The following SCAMP1 variants were observed in gnomAD, a reference collection of about 807,000 sequenced individuals.
SCAMP1 encodes the protein secretory carrier membrane protein 1.
SCAMP1 carries 15 observed loss-of-function variants against 41.8 expected under a neutral mutation model. The observed-to-expected ratio is 0.36, with a 90% CI of 0.24 to 0.55. The LOEUF (loss-of-function observed/expected upper bound fraction) is 0.55, where lower values mean the gene tolerates loss of function less well. Among genes scored for constraint, SCAMP1 ranks in the 20% least tolerant of loss-of-function variants. The pLI, the probability that SCAMP1 is intolerant of heterozygous loss-of-function variation, is 0.86. For synonymous variants in SCAMP1, 135 were observed against 136.8 expected (o/e 0.99, Z 0.09); for missense variants, 341 against 412.6 (o/e 0.83, Z 1.50).
chr5:78,373,655 A>C (rs118147404), intron 1 of SCAMP1, among the ~76,000 whole-genome samples: 2 of 152,114 alleles, frequency 1.3e-5, no homozygotes, highest in African/African-American at 4.8e-5. Flanking sequence ...TTTTTTGACT[A>C]TAGTTCAGTC....
chr5:78,372,971 A>T (rs1750977080), intron 1 of SCAMP1, among the ~76,000 whole-genome samples: 1 of 152,126 alleles, frequency 6.6e-6, no homozygotes, highest in Non-Finnish European at 1.5e-5. Context: ...AACTATTAAT[A>T]TAAGAAACAT....
At chr5:78,387,823 G>C (rs991193882) in intron 1 of SCAMP1, among the ~76,000 whole-genome samples, 1 of 152,156 alleles carries the variant, frequency 6.6e-6, no homozygotes, top group African/African-American at 2.4e-5. Flanking sequence ...CTTCAGGTCT[G>C]TCAGCCATGG....
Position 78,403,588 on chromosome 5 carries a change from CAAAA to C in SCAMP1, c.136-11931_136-11928del, listed in dbSNP as rs1346157015. On this transcript the variant is annotated intron_variant, in intron 2 of 8. Transcript: ENST00000621999. The stretch of plus-strand genomic sequence containing the variant: ...GGAGGATTGCCTGAGGCCAGGGATT[CAAAA>C]CCAGCCTAGGCAATGTAGTGAGATC... Among the ~76,000 whole-genome samples the C allele has an allele frequency of 1.4e-4, 21 of 152,186 alleles. No homozygotes were observed. In the East Asian group the frequency reaches 4.1e-3, roughly 30 times the overall value.
intron 1 of SCAMP1, among the ~76,000 whole-genome samples, chr5:78,372,624 A>G (rs762598025): frequency 1.4e-4 from 21 of 152,182 alleles, no homozygotes; most frequent in Non-Finnish European, 3.1e-4. Context: ...TATGAAACCT[A>G]CATCACAAGG....
intron 6 of SCAMP1, among the ~76,000 whole-genome samples, chr5:78,435,435 C>T (rs1184739593): frequency 3.3e-5 from 5 of 152,162 alleles, no homozygotes; most frequent in Admixed American, 3.3e-4. Flanking sequence ...TCCAAGGGTT[C>T]TCATTGTTCA....
At chr5:78,474,591 G>A (rs954745598) in intron 8 of SCAMP1, among the ~76,000 whole-genome samples, 1 of 152,020 alleles carries the variant, frequency 6.6e-6, no homozygotes, top group Non-Finnish European at 1.5e-5. Context: ...TCCAGGTTTG[G>A]AAAAAATACT....
At chr5:78,367,652 G>T (rs1750831794) in intron 1 of SCAMP1, among the ~76,000 whole-genome samples, 1 of 152,198 alleles carries the variant, frequency 6.6e-6, no homozygotes, top group South Asian at 2.1e-4. Context: ...GGAGTGGCAA[G>T]CAATAGGCTC....
rs185244431 is a variant in SCAMP1 at position 78,464,616 on chromosome 5, C to T, written c.852+5254C>T. 3.0e-3 allele frequency among the ~76,000 whole-genome samples: 451 copies of T among 152,052 alleles called. 5 individuals are homozygous for T. The highest frequency in any genetic ancestry group is 9.9e-3 in the African/African-American group (412 of 41,458). The stretch of plus-strand genomic sequence containing the variant: ...AAATTGGCACTCTGCAGATTTTTGA[C>T]GTGGATCTGGGATTGGGAACGGCAT... On this transcript the variant is annotated intron_variant, in intron 8 of 8. Transcript: ENST00000621999.
At chr5:78,459,714 A>G (rs775471632) in intron 8 of SCAMP1, among the ~76,000 whole-genome samples, 1 of 152,158 alleles carries the variant, frequency 6.6e-6, no homozygotes, top group Admixed American at 6.5e-5. Context: ...TAAAATTATT[A>G]TGTGATATGT....
At chr5:78,366,940 C>CA (rs1442552359) in intron 1 of SCAMP1, among the ~76,000 whole-genome samples, 1 of 148,700 alleles carries the variant, frequency 6.7e-6, no homozygotes, top group African/African-American at 2.5e-5. Context: ...AAAAAAAACC[C>CA]AAAAAACAAA....
At chr5:78,450,942 G>A (rs1193551986) in intron 7 of SCAMP1, among the ~76,000 whole-genome samples, 1 of 152,152 alleles carries the variant, frequency 6.6e-6, no homozygotes, top group Non-Finnish European at 1.5e-5. Flanking sequence ...TTTAAAATCA[G>A]TTCTCAGATA....
intron 1 of SCAMP1, among the ~76,000 whole-genome samples, chr5:78,387,462 G>C (rs913069446): frequency 6.6e-6 from 1 of 150,744 alleles, no homozygotes; most frequent in Admixed American, 6.6e-5. Flanking sequence ...TTTTCTGGAA[G>C]TTTAGAGGTT....
chr5:78,471,638 C>T (rs1276194732), intron 8 of SCAMP1, among the ~76,000 whole-genome samples: 1 of 151,992 alleles, frequency 6.6e-6, no homozygotes, highest in African/African-American at 2.4e-5. Context: ...CTTTACTTCC[C>T]ACACGATACA....
chr5:78,365,263 A>G (rs916810606), intron 1 of SCAMP1, among the ~76,000 whole-genome samples: 2 of 151,920 alleles, frequency 1.3e-5, no homozygotes, highest in Non-Finnish European at 2.9e-5. Context: ...TCACGAGGTC[A>G]GGAGTTCGAG....
chr5:78,407,427 A>C (rs1751959856), intron 2 of SCAMP1, among the ~76,000 whole-genome samples: 1 of 152,156 alleles, frequency 6.6e-6, no homozygotes, highest in Admixed American at 6.5e-5. Flanking sequence ...TCTTAGGTGA[A>C]AGGATACACA....
intron 8 of SCAMP1, among the ~76,000 whole-genome samples, chr5:78,462,870 C>G (rs1375059380): frequency 6.6e-6 from 1 of 151,980 alleles, no homozygotes; most frequent in African/African-American, 2.4e-5. Context: ...GATATTGAGA[C>G]CTTGGGAATA....
chr5:78,451,043 CTTACT>C (rs1753212538), intron 7 of SCAMP1, among the ~76,000 whole-genome samples: 1 of 152,074 alleles, frequency 6.6e-6, no homozygotes, highest in Non-Finnish European at 1.5e-5. Flanking sequence ...AAATATACTG[CTTACT>C]TTAACAGCAC....
intron 7 of SCAMP1, among the ~76,000 whole-genome samples, chr5:78,452,318 A>G (rs1291153679): frequency 2.2e-5 from 3 of 137,760 alleles, no homozygotes; most frequent in African/African-American, 8.2e-5. Context: ...ATATCTCCCA[A>G]TGCTATCCCT....
At chr5:78,468,901 G>A (rs1207475879) in intron 8 of SCAMP1, among the ~76,000 whole-genome samples, 1 of 152,072 alleles carries the variant, frequency 6.6e-6, no homozygotes, top group East Asian at 1.9e-4. Context: ...GACTCTTACA[G>A]TTATCCCTCT....
Sources: allele counts gnomAD v4.1 joint callset (sites outside exome capture counted in the v4.1 genomes callset), GRCh38; gene constraint gnomAD v4.1.1; transcripts MANE v1.5; gene names NCBI Gene and HGNC (gene_info 2026-07-23, HGNC 2026-07-21).